The following CCDC3 variants were observed in gnomAD, a reference collection of about 807,000 sequenced individuals.
The protein encoded by CCDC3 is coiled-coil domain-containing protein 3.
In CCDC3, 24 loss-of-function variants were observed where a neutral mutation model predicts 21.4. That is an observed-to-expected ratio of 1.12 (90% CI 0.81 to 1.58). The LOEUF (loss-of-function observed/expected upper bound fraction) is 1.58. CCDC3 is among the 40% of genes most tolerant of loss of function. The pLI is 0.00. For synonymous variants in CCDC3, 186 were observed against 166.0 expected (o/e 1.12, Z -0.93); for missense variants, 425 against 360.9 (o/e 1.18, Z -1.44).
chr10:12,986,159 A>C (rs1453094541), intron 2 of CCDC3, among the ~76,000 whole-genome samples: 1 of 152,214 alleles, frequency 6.6e-6, no homozygotes, highest in South Asian at 2.1e-4. Context: ...TGGTGCAAAA[A>C]GTAATTGCAG....
chr10:12,908,781 C>T (rs1017543871), intron 2 of CCDC3, among the ~76,000 whole-genome samples: 3 of 151,884 alleles, frequency 2.0e-5, no homozygotes, highest in African/African-American at 4.8e-5. Context: ...TTAGCAGAGA[C>T]AGGGTTTCAC....
chr10:12,946,069 G>C (rs970510368), intron 2 of CCDC3, among the ~76,000 whole-genome samples: 2 of 152,124 alleles, frequency 1.3e-5, no homozygotes, highest in Non-Finnish European at 2.9e-5. Context: ...GTATCTCTAG[G>C]GCACTGTATT....
At chr10:13,002,909 G>A (rs185897317), upstream of CCDC3, among the ~76,000 whole-genome samples, 4 of 152,292 alleles carry the variant, frequency 2.6e-5, no homozygotes, top group Non-Finnish European at 5.9e-5. Flanking sequence ...TGTGTGTGAT[G>A]GAGAAAGAGT....
intron 2 of CCDC3, among the ~76,000 whole-genome samples, chr10:12,960,347 G>C (rs1835163033): frequency 1.3e-5 from 2 of 152,166 alleles, no homozygotes; most frequent in Non-Finnish European, 1.5e-5. Context: ...GTGTGTGTTT[G>C]GGAGAGATGG....
intron 2 of CCDC3, among the ~76,000 whole-genome samples, chr10:12,989,901 T>C (rs1005795786): frequency 2.0e-5 from 3 of 152,074 alleles, no homozygotes; most frequent in African/African-American, 4.8e-5. Context: ...CTAGCAGTCA[T>C]TGCATTCTTC....
chr10:13,038,104 G>A (rs1356683660), intron 5 of CCDC3, among the ~76,000 whole-genome samples: 1 of 152,108 alleles, frequency 6.6e-6, no homozygotes, highest in Admixed American at 6.6e-5. Context: ...AAACTAATGA[G>A]GAACAGAAAA....
At chr10:12,977,829 T>C (rs867035017) in intron 2 of CCDC3, among the ~76,000 whole-genome samples, 6 of 152,196 alleles carry the variant, frequency 3.9e-5, no homozygotes, top group Admixed American at 2.0e-4. Flanking sequence ...ATCATGTTCA[T>C]TAGCAGTTTC....
At chr10:13,053,115 C>T (rs1433352796) in intron 4 of CCDC3, among the ~76,000 whole-genome samples, 1 of 152,148 alleles carries the variant, frequency 6.6e-6, no homozygotes, top group African/African-American at 2.4e-5. Flanking sequence ...GATTTTTCCT[C>T]TCCAACCTCA....
intron 2 of CCDC3, among the ~76,000 whole-genome samples, chr10:12,926,191 G>A (rs1400091225): frequency 6.6e-6 from 1 of 152,218 alleles, no homozygotes; most frequent in African/African-American, 2.4e-5. Context: ...GGACACAGGT[G>A]GAGTGTGAAG....
In CCDC3 at chr10:13,097,975, A is replaced by ACAC. The variant is rs200233763; in HGVS notation, c.-503+549_-503+550insGTG. Among the ~76,000 whole-genome samples, 20 of 152,292 alleles carry ACAC rather than the reference A, an allele frequency of 1.3e-4. No individual in the cohort carries two copies. In the East Asian group the frequency reaches 1.9e-3, roughly 15 times the overall value. ...TCAGAAAAGAGGTTTGGTCCTTAGAACTTTCTGGATTTGGGAGTGTACTAT... is the reference window on the plus strand; with the variant it reads ...TCAGAAAAGAGGTTTGGTCCTTAGAACACCTTTCTGGATTTGGGAGTGTACTAT... On this transcript the variant is annotated intron_variant, in intron 3 of 6. Transcript: ENST00000378839.
chr10:13,097,640 C>A (rs1172277019), intron 3 of CCDC3, among the ~76,000 whole-genome samples: 1 of 152,222 alleles, frequency 6.6e-6, no homozygotes, highest in Non-Finnish European at 1.5e-5. Context: ...AGGAGAATCA[C>A]TCAAACCCAG....
At chr10:12,927,574 C>T (rs1327624214) in intron 2 of CCDC3, among the ~76,000 whole-genome samples, 7 of 148,094 alleles carry the variant, frequency 4.7e-5, no homozygotes, top group African/African-American at 1.7e-4. Flanking sequence ...TTCATTTATG[C>T]TACAAATGGC....
intron 2 of CCDC3, among the ~76,000 whole-genome samples, chr10:12,909,565 C>T (rs893749419): frequency 3.3e-5 from 5 of 152,298 alleles, no homozygotes; most frequent in Non-Finnish European, 1.5e-5. Context: ...GTCATTGGCC[C>T]AGTCAAAGCT....
At chr10:13,069,073 T>C (rs1464217267) in intron 4 of CCDC3, among the ~76,000 whole-genome samples, 1 of 152,106 alleles carries the variant, frequency 6.6e-6, no homozygotes, top group Non-Finnish European at 1.5e-5. Flanking sequence ...CTGACCAACA[T>C]GGAGAAACTC....
intron 5 of CCDC3, among the ~76,000 whole-genome samples, chr10:13,015,536 C>A (rs1024720578): frequency 6.6e-6 from 1 of 152,074 alleles, no homozygotes; most frequent in African/African-American, 2.4e-5. Context: ...GCCCTTACGA[C>A]TGCCTTGCAA....
chr10:13,001,072 C>G (rs1006553123), intron 1 of CCDC3, 125 bp downstream of exon 1: 1 of 1,273,604 alleles, frequency 7.9e-7, no homozygotes, highest in Non-Finnish European at 1.1e-6. Flanking sequence ...GGTAGGCGCC[C>G]CAGGGGCATT....
intron 3 of CCDC3, among the ~76,000 whole-genome samples, chr10:13,092,546 A>G (rs1428785142): frequency 6.6e-6 from 1 of 152,214 alleles, no homozygotes; most frequent in Non-Finnish European, 1.5e-5. Context: ...GGTCAGATCA[A>G]ATTAACTTGG....
intron 2 of CCDC3, among the ~76,000 whole-genome samples, chr10:12,917,386 C>A (rs1290026640): frequency 6.6e-6 from 1 of 151,570 alleles, no homozygotes; most frequent in African/African-American, 2.4e-5. Context: ...TTAGTAGAGA[C>A]GGGGTTTCAC....
At chr10:12,998,867 G>A (rs1835804429) in intron 1 of CCDC3, among the ~76,000 whole-genome samples, 1 of 152,148 alleles carries the variant, frequency 6.6e-6, no homozygotes, top group Non-Finnish European at 1.5e-5. Flanking sequence ...TTTAAGTTCT[G>A]TCTTTGCTAT....
Sources: gnomAD v4.1 joint callset for allele counts (sites outside exome capture counted in the v4.1 genomes callset) on GRCh38, gnomAD v4.1.1 for gene constraint, MANE v1.5 for transcripts, NCBI Gene and HGNC (gene_info 2026-07-23, HGNC 2026-07-21) for gene names.